YPEL1: variants seen among roughly 807,000 people sequenced by gnomAD.
YPEL1 encodes the protein yippee like 1, also known as protein yippee-like 1.
YPEL1 carries 7 observed loss-of-function variants against 17.3 expected under a neutral mutation model. That is an observed-to-expected ratio of 0.40 (90% CI 0.23 to 0.76). The LOEUF (loss-of-function observed/expected upper bound fraction) is 0.76, where lower values mean the gene tolerates loss of function less well. Ranked by LOEUF, YPEL1 falls within the 30% of genes least tolerant of loss-of-function variation. The pLI, the probability that YPEL1 is intolerant of heterozygous loss-of-function variation, is 0.35. For synonymous variants in YPEL1, 59 were observed against 59.6 expected, an observed-to-expected ratio of 0.99 and a Z score of 0.05; for missense variants, 91 against 155.5, an observed-to-expected ratio of 0.59 and a Z score of 2.21.
rs536421002 is a variant in YPEL1 at position 21,700,286 on chromosome 22, C to T, written c.*843G>A. The stretch of plus-strand genomic sequence containing the variant: ...CTTGCTATCTAAAGAGACCCTGTCC[C>T]TGTGGTCTTCAGAGACTCAGTCTGG... On this transcript the variant is annotated 3_prime_UTR_variant, in exon 5 of 5. Coordinates refer to ENST00000339468, the MANE Select transcript of YPEL1 (RefSeq NM_013313.5). 1 of 152,202 alleles carries T rather than the reference C, an allele frequency of 6.6e-6. No individual in the cohort carries two copies. The highest frequency in any genetic ancestry group is 2.1e-4 in the South Asian group (1 of 4,826). The allele number at this position is 152,202 out of a possible 1,614,324, so 9.4% of individuals were successfully genotyped here.
At chr22:21,730,096 G>A (rs574533031) in intron 1 of YPEL1, among the ~76,000 whole-genome samples, 4 of 152,032 alleles carry the variant, frequency 2.6e-5, no homozygotes, top group East Asian at 1.9e-4. Flanking sequence ...AGGTTGTGGT[G>A]AGCCAAGATT....
intron 2 of YPEL1, among the ~76,000 whole-genome samples, chr22:21,705,518 T>C (rs1184705401): frequency 1.3e-5 from 2 of 152,170 alleles, no homozygotes; most frequent in African/African-American, 2.4e-5. Flanking sequence ...TTTTTGGGGT[T>C]TTTGACCTAA....
intron 2 of YPEL1, among the ~76,000 whole-genome samples, chr22:21,704,830 AC>A (rs1401948612): frequency 6.6e-6 from 1 of 152,056 alleles, no homozygotes; most frequent in East Asian, 1.9e-4. Flanking sequence ...GGGCATCTGC[AC>A]CCCCTGATGC....
chr22:21,708,190 C>A (rs2068131302), intron 2 of YPEL1, among the ~76,000 whole-genome samples: 1 of 152,042 alleles, frequency 6.6e-6, no homozygotes, highest in South Asian at 2.1e-4. Context: ...CATCTTGCCA[C>A]CTCGCCCGGC....
intron 1 of YPEL1, among the ~76,000 whole-genome samples, chr22:21,720,927 G>A (rs2068275581): frequency 6.7e-6 from 1 of 148,886 alleles, no homozygotes; most frequent in Non-Finnish European, 1.5e-5. Flanking sequence ...TCCTGCCTCA[G>A]CCACCAGAGT....
At chr22:21,713,216 A>T (rs1336601142) in intron 1 of YPEL1, among the ~76,000 whole-genome samples, 1 of 152,186 alleles carries the variant, frequency 6.6e-6, no homozygotes, top group Admixed American at 6.5e-5. Context: ...TTCCTCAAAA[A>T]ACGAAATATA....
intron 1 of YPEL1, among the ~76,000 whole-genome samples, chr22:21,713,074 C>T (rs2068186588): frequency 6.6e-6 from 1 of 152,134 alleles, no homozygotes; most frequent in Admixed American, 6.6e-5. Flanking sequence ...CACCACACAC[C>T]CTCTAGGACG....
At position 21,700,824 on chromosome 22, in the gene YPEL1, G is replaced by T; in HGVS notation, c.*305C>A. 1 of 243,280 alleles carries T rather than the reference G, an allele frequency of 4.1e-6. No individual in the cohort carries two copies. The highest frequency in any genetic ancestry group is 8.0e-6 in the Non-Finnish European group (1 of 125,524). 15.1% of individuals were successfully genotyped at this position (243,280 alleles called of 1,614,324 possible). A position where few individuals can be genotyped will look rare whatever the true frequency, so the allele number is the denominator to read the frequency against. On this transcript the variant is annotated 3_prime_UTR_variant, in exon 5 of 5. Coordinates refer to ENST00000339468, the MANE Select transcript of YPEL1 (RefSeq NM_013313.5). The stretch of plus-strand genomic sequence containing the variant: ...TAAAAAAGCAGAGCCCAACTATATT[G>T]AAGACAAAGGTGAAAGGAAGATATT...
intron 1 of YPEL1, among the ~76,000 whole-genome samples, chr22:21,713,096 C>T (rs1211037798): frequency 2.0e-5 from 3 of 152,150 alleles, no homozygotes; most frequent in Non-Finnish European, 4.4e-5. Context: ...CTACTATCAA[C>T]GCGCACACAC....
At chr22:21,721,797 T>C (rs1433635754) in intron 1 of YPEL1, among the ~76,000 whole-genome samples, 1 of 151,892 alleles carries the variant, frequency 6.6e-6, no homozygotes, top group Non-Finnish European at 1.5e-5. Context: ...AGACTCTCGG[T>C]ACAATGGACA....
intron 1 of YPEL1, among the ~76,000 whole-genome samples, chr22:21,727,011 T>G (rs2068342354): frequency 6.6e-6 from 1 of 152,136 alleles, no homozygotes; most frequent in Non-Finnish European, 1.5e-5. Flanking sequence ...CCAAGCACAC[T>G]TCGCATGGGC....
chr22:21,703,564 C>A lies in YPEL1; in HGVS notation c.162-86G>T. On this transcript the variant is annotated intron_variant, in intron 3 of 4. Coordinates refer to ENST00000339468, the MANE Select transcript of YPEL1 (RefSeq NM_013313.5). The surrounding 1 kb of genome is among the most constrained non-coding windows in gnomAD (Gnocchi z 6.1). The stretch of plus-strand genomic sequence containing the variant: ...CCCTCAGCGGGCCCCACCCCATCCT[C>A]CTAAGAGTTCCCCCAAAACAGGGAA... 1 of 1,250,920 alleles carries A rather than the reference C, an allele frequency of 8.0e-7. No homozygotes were observed. 77.5% of individuals were successfully genotyped at this position (1,250,920 alleles called of 1,614,324 possible).
At chr22:21,718,676 G>A (rs888990689) in intron 1 of YPEL1, among the ~76,000 whole-genome samples, 15 of 152,088 alleles carry the variant, frequency 9.9e-5, no homozygotes, top group African/African-American at 3.4e-4. Flanking sequence ...AGCTGAATCC[G>A]ATTTCATTAA....
intron 1 of YPEL1, among the ~76,000 whole-genome samples, chr22:21,724,638 T>C (rs1277494927): frequency 2.0e-5 from 3 of 151,490 alleles, no homozygotes; most frequent in Non-Finnish European, 4.4e-5. Context: ...TGGAGTGCAG[T>C]GGCATAATCT....
rs777297198 is a variant in YPEL1, at chr22:21,703,915, G to A, written c.118-33C>T. 1.5e-5 allele frequency: 23 copies of A among 1,573,742 alleles called. No individual in the cohort carries two copies. The highest frequency in any genetic ancestry group is 7.4e-5 in the Admixed American group (4 of 53,742). ...AAGAAGGTCCCGTGAGATTGGCTGCGAGTGCTTTCTGGAACGAAGCGGTGC... is the reference window on the plus strand; with the variant it reads ...AAGAAGGTCCCGTGAGATTGGCTGCAAGTGCTTTCTGGAACGAAGCGGTGC... On this transcript the variant is annotated intron_variant, in intron 2 of 4. Coordinates refer to ENST00000339468, the MANE Select transcript of YPEL1 (RefSeq NM_013313.5). The surrounding 1 kb of genome is among the most constrained non-coding windows in gnomAD (Gnocchi z 6.1).
intron 1 of YPEL1, among the ~76,000 whole-genome samples, chr22:21,724,892 TTTTA>T (rs2068318907): frequency 6.6e-6 from 1 of 151,564 alleles, no homozygotes; most frequent in Non-Finnish European, 1.5e-5. Flanking sequence ...GAAAATAAAA[TTTTA>T]TTTTACTTTT....
chr22:21,732,730 C>T (rs916093335), intron 1 of YPEL1, among the ~76,000 whole-genome samples: 4 of 151,824 alleles, frequency 2.6e-5, no homozygotes, highest in Admixed American at 6.6e-5. Context: ...TGCACTGAGC[C>T]GAGATCACGC....
rs2068009598 is a variant in YPEL1 at position 21,698,135 on chromosome 22, A to G, written c.*2994T>C. ...TTAGGAATTTAAGAGGGTGGTGGAT[A>G]TGGTCCTGTGAATAGCACTTCCCCT... is the stretch of plus-strand genomic sequence containing the variant. On this transcript the variant is annotated 3_prime_UTR_variant, in exon 5 of 5. Coordinates refer to ENST00000339468, the MANE Select transcript of YPEL1 (RefSeq NM_013313.5). 1 of 152,150 alleles carries G rather than the reference A, an allele frequency of 6.6e-6. No homozygotes were observed. The highest frequency in any genetic ancestry group is 1.5e-5 in the Non-Finnish European group (1 of 68,014). The allele number at this position is 152,150 out of a possible 1,614,324, so 9.4% of individuals were successfully genotyped here.
intron 1 of YPEL1, among the ~76,000 whole-genome samples, chr22:21,712,582 C>T (rs1231218096): frequency 2.6e-5 from 4 of 151,538 alleles, no homozygotes; most frequent in Admixed American, 6.6e-5. Context: ...AAAAATTAGC[C>T]GGGCGTGGTG....
Sources: allele counts gnomAD v4.1 joint callset (sites outside exome capture counted in the v4.1 genomes callset), GRCh38; gene constraint gnomAD v4.1.1; non-coding constraint Gnocchi (gnomAD v3.1); transcripts MANE v1.5; gene names NCBI Gene and HGNC (gene_info 2026-07-23, HGNC 2026-07-21).